The following VWC2 variants were observed in gnomAD, a reference collection of about 807,000 sequenced individuals.
VWC2 encodes the protein von Willebrand factor C domain containing 2.
VWC2 carries 14 observed loss-of-function variants against 29.8 expected under a neutral mutation model. That is an observed-to-expected ratio of 0.47 (90% CI 0.31 to 0.74). The LOEUF (loss-of-function observed/expected upper bound fraction) is 0.74. Among genes scored for constraint, VWC2 ranks in the 30% least tolerant of loss-of-function variants. The pLI, the probability that VWC2 is intolerant of heterozygous loss-of-function variation, is 0.05. For synonymous variants in VWC2, 213 were observed against 199.0 expected, an observed-to-expected ratio of 1.07 and a Z score of -0.59; for missense variants, 457 against 459.8, an observed-to-expected ratio of 0.99 and a Z score of 0.05.
At chr7:49,862,920 C>T (rs956149090) in intron 3 of VWC2, among the ~76,000 whole-genome samples, 21 of 152,066 alleles carry the variant, frequency 1.4e-4, no homozygotes, top group African/African-American at 4.6e-4. Flanking sequence ...AGATATTTAC[C>T]TATACTTTTC....
At chr7:49,792,568 C>T (rs1463978865) in intron 2 of VWC2, among the ~76,000 whole-genome samples, 2 of 152,202 alleles carry the variant, frequency 1.3e-5, no homozygotes, top group Non-Finnish European at 2.9e-5. Context: ...TGGCGCAGTC[C>T]AGTTCTAGAG....
chr7:49,869,828 A>G (rs148964136), intron 3 of VWC2, among the ~76,000 whole-genome samples: 92 of 152,276 alleles, frequency 6.0e-4, no homozygotes, highest in African/African-American at 2.0e-3. Context: ...GTTTTTTCAT[A>G]GTAATCCAAA....
chr7:49,870,877 T>A (rs1368784403), intron 3 of VWC2, among the ~76,000 whole-genome samples: 1 of 152,154 alleles, frequency 6.6e-6, no homozygotes, highest in Non-Finnish European at 1.5e-5. Context: ...ACAAAACATA[T>A]TAATAACAGG....
chr7:49,864,898 C>A (rs1009648808), intron 3 of VWC2, among the ~76,000 whole-genome samples: 54 of 152,306 alleles, frequency 3.5e-4, no homozygotes, highest in Admixed American at 3.3e-4. Flanking sequence ...TGCTTTGTTG[C>A]TGTAAACCTT....
At chr7:49,844,826 G>A (rs1293540464) in intron 3 of VWC2, among the ~76,000 whole-genome samples, 1 of 152,028 alleles carries the variant, frequency 6.6e-6, no homozygotes, top group Non-Finnish European at 1.5e-5. Context: ...CTGAGTAGCT[G>A]AGATTACAGG....
chr7:49,853,873 C>G, intron 3 of VWC2, among the ~76,000 whole-genome samples: 1 of 123,896 alleles, frequency 8.1e-6, no homozygotes, highest in South Asian at 3.2e-4. Flanking sequence ...CCTCCCCCCA[C>G]CCCACAACAG....
chr7:49,868,854 A>G (rs1416737476), intron 3 of VWC2, among the ~76,000 whole-genome samples: 1 of 152,108 alleles, frequency 6.6e-6, no homozygotes, highest in Non-Finnish European at 1.5e-5. Flanking sequence ...CCTAACCTCA[A>G]GTGATCCACC....
chr7:49,808,125 A>T (rs921373533), intron 3 of VWC2, among the ~76,000 whole-genome samples: 3 of 152,132 alleles, frequency 2.0e-5, no homozygotes, highest in Non-Finnish European at 2.9e-5. Flanking sequence ...ATAGAAAAAA[A>T]GAACTTCCTG....
In VWC2 at chr7:49,815,755, C is replaced by G. The variant is rs552206329; in HGVS notation, c.826+12915C>G. Among the ~76,000 whole-genome samples the G allele has an allele frequency of 3.3e-5, 5 of 152,190 alleles. No individual in the cohort carries two copies. In the East Asian group the frequency reaches 7.7e-4, roughly 23 times the overall value. On this transcript the variant is annotated intron_variant, in intron 3 of 3. Transcript: ENST00000340652. ...TGATTTCTCTGTATCCTTTTGGGTACCTGTAACTTGGAAATATTTAACATA... is the reference window on the plus strand; with the variant it reads ...TGATTTCTCTGTATCCTTTTGGGTAGCTGTAACTTGGAAATATTTAACATA...
chr7:49,793,293 A>G (rs1442082166), intron 2 of VWC2, among the ~76,000 whole-genome samples: 1 of 152,112 alleles, frequency 6.6e-6, no homozygotes, highest in Non-Finnish European at 1.5e-5. Context: ...CTGTCCAGGC[A>G]TCACTGGATG....
At chr7:49,811,693 T>C (rs1227612234) in intron 3 of VWC2, among the ~76,000 whole-genome samples, 2 of 152,098 alleles carry the variant, frequency 1.3e-5, no homozygotes, top group African/African-American at 4.8e-5. Flanking sequence ...GTGGAGAAAA[T>C]GGAAAAATAT....
At chr7:49,791,858 G>C (rs1788468331) in intron 2 of VWC2, among the ~76,000 whole-genome samples, 1 of 152,194 alleles carries the variant, frequency 6.6e-6, no homozygotes, top group African/African-American at 2.4e-5. Context: ...AGCTCAAGAA[G>C]TACTGATAAT....
intron 3 of VWC2, among the ~76,000 whole-genome samples, chr7:49,810,750 G>T (rs912114494): frequency 2.6e-5 from 4 of 152,252 alleles, no homozygotes; most frequent in South Asian, 4.1e-4. Context: ...AACCAATGTT[G>T]TAAGATACCT....
chr7:49,804,585 C>G (rs150884885), intron 3 of VWC2, among the ~76,000 whole-genome samples: 1 of 152,076 alleles, frequency 6.6e-6, no homozygotes, highest in African/African-American at 2.4e-5. Flanking sequence ...ATTAGATAGC[C>G]GGGAATCCTA....
intron 3 of VWC2, among the ~76,000 whole-genome samples, chr7:49,857,253 T>C (rs543464657): frequency 1.1e-4 from 16 of 152,302 alleles, no homozygotes; most frequent in African/African-American, 3.6e-4. Flanking sequence ...TTAGCTCCTC[T>C]AGCGACTTTA....
At chr7:49,881,217 T>C (rs909033086) in intron 3 of VWC2, among the ~76,000 whole-genome samples, 1 of 151,886 alleles carries the variant, frequency 6.6e-6, no homozygotes, top group African/African-American at 2.4e-5. Flanking sequence ...AGGAGGAGAG[T>C]CCTGTTCAGG....
chr7:49,869,473 A>G (rs115376123), intron 3 of VWC2, among the ~76,000 whole-genome samples: 376 of 152,338 alleles, frequency 2.5e-3, no homozygotes, highest in African/African-American at 8.8e-3. Context: ...GGAAAAAATT[A>G]TCTTGTATAT....
intron 3 of VWC2, among the ~76,000 whole-genome samples, chr7:49,897,544 A>G (rs766004763): frequency 1.8e-4 from 27 of 152,168 alleles, no homozygotes; most frequent in Non-Finnish European, 3.7e-4. Context: ...GGAAGTTGCA[A>G]CTCTATCCTA....
intron 3 of VWC2, among the ~76,000 whole-genome samples, chr7:49,833,730 G>A (rs546256396): frequency 6.6e-6 from 1 of 152,214 alleles, no homozygotes; most frequent in Admixed American, 6.5e-5. Flanking sequence ...ATTGCTGCAG[G>A]GAATCAACCC....
Sources: allele counts gnomAD v4.1 joint callset (sites outside exome capture counted in the v4.1 genomes callset), GRCh38; gene constraint gnomAD v4.1.1; transcripts MANE v1.5; gene names NCBI Gene and HGNC (gene_info 2026-07-23, HGNC 2026-07-21).